Variants in FLVCR2 observed in about 807,000 individuals in gnomAD.
FLVCR2 encodes the protein choline/ethanolamine transporter FLVCR2.
In FLVCR2, 38 loss-of-function variants were observed where a neutral mutation model predicts 48.9. That is an observed-to-expected ratio of 0.78 (90% CI 0.60 to 1.02). The LOEUF is 1.02. Ranked by LOEUF, FLVCR2 falls within the 50% of genes least tolerant of loss-of-function variation. The pLI is 0.00. For synonymous variants in FLVCR2, 255 were observed against 257.0 expected, an observed-to-expected ratio of 0.99 and a Z score of 0.07; for missense variants, 664 against 663.3, an observed-to-expected ratio of 1.00 and a Z score of -0.01.
intron 1 of FLVCR2, among the ~76,000 whole-genome samples, chr14:75,608,235 T>C (rs1279438922): frequency 6.6e-6 from 1 of 152,206 alleles, no homozygotes; most frequent in Non-Finnish European, 1.5e-5. Context: ...TCCATCATCC[T>C]TACCGTAGGA....
At chr14:75,641,706 C>T in intron 8 of FLVCR2, 137 bp from the exon 9 acceptor site, 1 of 808,354 alleles carries the variant, frequency 1.2e-6, no homozygotes, top group Non-Finnish European at 2.1e-6. Flanking sequence ...CTGATGGTGC[C>T]CTCAGTCACC....
chr14:75,639,705 C>A (rs978475735), intron 6 of FLVCR2, among the ~76,000 whole-genome samples: 1 of 152,062 alleles, frequency 6.6e-6, no homozygotes, highest in Non-Finnish European at 1.5e-5. Context: ...GAGGCTAGAA[C>A]CTGTTCAGAG....
chr14:75,581,876 G>A (rs1049272247), intron 1 of FLVCR2, among the ~76,000 whole-genome samples: 1 of 152,130 alleles, frequency 6.6e-6, no homozygotes, highest in African/African-American at 2.4e-5. Flanking sequence ...GAAATGAGAG[G>A]TTCTAAGAGG....
intron 1 of FLVCR2, among the ~76,000 whole-genome samples, chr14:75,594,000 T>G (rs1484138971): frequency 6.6e-6 from 1 of 152,214 alleles, no homozygotes; most frequent in Non-Finnish European, 1.5e-5. Context: ...GCAATACAGC[T>G]CCTTCAATAT....
At chr14:75,613,018 C>T (rs575336362) in intron 1 of FLVCR2, among the ~76,000 whole-genome samples, 1 of 152,158 alleles carries the variant, frequency 6.6e-6, no homozygotes, top group Non-Finnish European at 1.5e-5. Flanking sequence ...AGTGTGCAGA[C>T]TTGCCTAAAT....
At chr14:75,599,991 C>G (rs1037053475) in intron 1 of FLVCR2, among the ~76,000 whole-genome samples, 3 of 152,148 alleles carry the variant, frequency 2.0e-5, no homozygotes, top group African/African-American at 7.2e-5. Context: ...AGGCTGACAC[C>G]TACTGGGCTG....
Position 75,578,706 on chromosome 14 carries a change from G to A in FLVCR2, c.-267G>A, listed in dbSNP as rs1888513434. 2 of 562,742 alleles carry A rather than the reference G, an allele frequency of 3.6e-6. No individual in the cohort carries two copies. Among genetic ancestry groups the A allele is most frequent in the Admixed American group, 3.1e-5 (1 of 32,652 alleles). 34.9% of individuals were successfully genotyped at this position (562,742 alleles called of 1,614,324 possible). A position where few individuals can be genotyped will look rare whatever the true frequency, so the allele number is the denominator to read the frequency against. ...TCGTGGGGAGACCCAAGGCAGGAGC[G>A]GTCCGGAGCCGGCTGCGGCGTGTGC... On this transcript the variant is annotated 5_prime_UTR_variant, in exon 1 of 10. Transcript: ENST00000238667.
At position 75,633,673 on chromosome 14, in the gene FLVCR2, C is replaced by A. The variant is rs764144834; in HGVS notation, c.997C>A (p.Arg333Ser). Residue 333 changes from arginine (R) to serine (S), a missense_variant, in exon 4 of 10, where the codon CGC (arginine) becomes AGC (serine). Coordinates refer to ENST00000238667, the MANE Select transcript of FLVCR2 (RefSeq NM_017791.3). ...TTATGCCTTGTCCACTCTTCTGAAT[C>A]GCATGGTGATCTGGCACTACCCGGT... ...AFYALSTLLN[R>S]MVIWHYPGEE... is the part of the protein sequence containing the mutation. 1.7e-5 allele frequency: 27 copies of A among 1,613,798 alleles called. No homozygotes were observed. Among genetic ancestry groups the A allele is most frequent in the Non-Finnish European group, 2.1e-5 (25 of 1,179,786 alleles).
intron 1 of FLVCR2, chr14:75,605,636 T>C (rs1353242643): frequency 1.3e-6 from 2 of 1,535,408 alleles, no homozygotes; most frequent in South Asian, 2.4e-5. Flanking sequence ...TGAGGATAGA[T>C]CTTACTTCCT....
chr14:75,602,123 C>A (rs1301697266), intron 1 of FLVCR2, among the ~76,000 whole-genome samples: 2 of 152,224 alleles, frequency 1.3e-5, no homozygotes, highest in African/African-American at 4.8e-5. Context: ...AGCTTCCAAG[C>A]CCTATCCTGC....
chr14:75,615,107 C>T (rs1426154751), intron 1 of FLVCR2, among the ~76,000 whole-genome samples: 1 of 152,162 alleles, frequency 6.6e-6, no homozygotes, highest in Non-Finnish European at 1.5e-5. Flanking sequence ...CCTTGAAGTT[C>T]TTTAAGCAGG....
chr14:75,633,522 C>T, intron 3 of FLVCR2, 107 bp from the exon 4 acceptor site: 2 of 849,632 alleles, frequency 2.4e-6, no homozygotes. Flanking sequence ...CTCAGAGTGG[C>T]AGTGAGATGA....
chr14:75,602,285 G>T (rs1007115468), intron 1 of FLVCR2, among the ~76,000 whole-genome samples: 2 of 151,976 alleles, frequency 1.3e-5, no homozygotes, highest in African/African-American at 4.8e-5. Flanking sequence ...TTCCAAGTTC[G>T]AATCCATGAT....
chr14:75,589,442 G>A (rs1888831352), intron 1 of FLVCR2, among the ~76,000 whole-genome samples: 1 of 152,184 alleles, frequency 6.6e-6, no homozygotes, highest in South Asian at 2.1e-4. Context: ...CTGGGGAAGG[G>A]ACTGGTCCCC....
chr14:75,583,669 G>A (rs1176916551), intron 1 of FLVCR2, among the ~76,000 whole-genome samples: 7 of 152,172 alleles, frequency 4.6e-5, no homozygotes, highest in Non-Finnish European at 1.0e-4. Flanking sequence ...AACTGGGCAG[G>A]TGGGGATAAC....
chr14:75,619,417 TAGAG>T (rs1043050548), intron 1 of FLVCR2, among the ~76,000 whole-genome samples: 1 of 152,030 alleles, frequency 6.6e-6, no homozygotes, highest in Non-Finnish European at 1.5e-5. Context: ...TGGACCTTAA[TAGAG>T]AGATGTGTCA....
intron 6 of FLVCR2, chr14:75,640,593 A>C: frequency 3.0e-6 from 1 of 337,558 alleles, no homozygotes; most frequent in Non-Finnish European, 5.7e-6. Context: ...GGAAGTTCCC[A>C]CTCCCAGCAC....
intron 3 of FLVCR2, among the ~76,000 whole-genome samples, chr14:75,625,194 A>G (rs1289565053): frequency 2.6e-5 from 4 of 152,052 alleles, no homozygotes; most frequent in Non-Finnish European, 5.9e-5. Context: ...TGACTATTCC[A>G]GTAGTTACTG....
At chr14:75,611,364 A>G (rs952620135) in intron 1 of FLVCR2, among the ~76,000 whole-genome samples, 5 of 152,132 alleles carry the variant, frequency 3.3e-5, no homozygotes, top group Non-Finnish European at 7.3e-5. Context: ...TCAGATAGCC[A>G]AGGGTATGAA....
Sources: gnomAD v4.1 joint callset for allele counts (sites outside exome capture counted in the v4.1 genomes callset) on GRCh38, gnomAD v4.1.1 for gene constraint, MANE v1.5 for transcripts, NCBI Gene and HGNC (gene_info 2026-07-23, HGNC 2026-07-21) for gene names.